The following RASGRF1 variants were observed in gnomAD, a reference collection of about 807,000 sequenced individuals.
RASGRF1 encodes Ras protein specific guanine nucleotide releasing factor 1.
In RASGRF1, 40 loss-of-function variants were observed where a neutral mutation model predicts 138.7. The observed-to-expected ratio is 0.29, with a 90% CI of 0.22 to 0.38. RASGRF1 has a LOEUF of 0.38. RASGRF1 is among the 10% of genes least tolerant of loss of function. The pLI is 1.00. For synonymous variants in RASGRF1, 614 were observed against 663.2 expected, an observed-to-expected ratio of 0.93 and a Z score of 1.14; for missense variants, 1,108 against 1,650.4, an observed-to-expected ratio of 0.67 and a Z score of 5.69.
chr15:79,025,743 G>T (rs531904809), intron 9 of RASGRF1, among the ~76,000 whole-genome samples: 1 of 152,250 alleles, frequency 6.6e-6, no homozygotes, highest in African/African-American at 2.4e-5. Flanking sequence ...ACCCCAAAGG[G>T]CATGGCCCAT....
At chr15:79,067,639 G>A (rs574417878) in intron 1 of RASGRF1, among the ~76,000 whole-genome samples, 13 of 152,336 alleles carry the variant, frequency 8.5e-5, no homozygotes, top group East Asian at 1.9e-4. Context: ...CACATTGCCC[G>A]ACTGACTTGT....
At chr15:79,077,167 C>T (rs1012925436) in intron 1 of RASGRF1, among the ~76,000 whole-genome samples, 6 of 152,094 alleles carry the variant, frequency 3.9e-5, no homozygotes, top group African/African-American at 1.4e-4. Flanking sequence ...ATTAATATTC[C>T]ATAAAACCAG....
intron 3 of RASGRF1, among the ~76,000 whole-genome samples, chr15:79,053,389 C>T (rs1326814066): frequency 6.6e-6 from 1 of 152,244 alleles, no homozygotes; most frequent in East Asian, 1.9e-4. Context: ...TAAAATATTA[C>T]AGCCACCTGC....
At position 78,991,882 on chromosome 15, in the gene RASGRF1, G is replaced by A. The variant is rs959640274; in HGVS notation, c.3028-88C>T. 40 of 1,054,686 alleles carry A rather than the reference G, an allele frequency of 3.8e-5. No individual in the cohort carries two copies. The Admixed American group carries it at 7.1e-4, about 19-fold the overall frequency. 65.3% of individuals were successfully genotyped at this position (1,054,686 alleles called of 1,614,324 possible). The stretch of plus-strand genomic sequence containing the variant: ...CCAGCTGCCTCTGTGGGGGTATCTC[G>A]CCCTCGAATTGGGTGGGCGGGTGGA... On this transcript the variant is annotated intron_variant, in intron 20 of 26. Transcript: ENST00000558480.
intron 2 of RASGRF1, among the ~76,000 whole-genome samples, chr15:79,061,517 A>G (rs1595953516): frequency 1.3e-5 from 2 of 151,180 alleles, no homozygotes; most frequent in Admixed American, 1.3e-4. Context: ...TGATAAACGC[A>G]TGCACTCAAA....
At chr15:78,993,752 C>T (rs551943875) in intron 20 of RASGRF1, among the ~76,000 whole-genome samples, 2 of 152,208 alleles carry the variant, frequency 1.3e-5, no homozygotes, top group Non-Finnish European at 2.9e-5. Context: ...GGCTTATGGC[C>T]CAGAGGCCCA....
Position 79,046,600 on chromosome 15 carries a change from C to G in RASGRF1, c.878+146G>C. Reference sequence around the variant, plus strand: ...CCACAATTATTGGGGTTGGTGGTTTCTAGCCACGTGATCTTGGGCACTTCT... The same window carrying G: ...CCACAATTATTGGGGTTGGTGGTTTGTAGCCACGTGATCTTGGGCACTTCT... On this transcript the variant is annotated intron_variant, in intron 5 of 26. Transcript: ENST00000558480. This position sits in a 1 kb window ranked among gnomAD's most constrained non-coding sequence, Gnocchi z 5.3. 2.2e-6 allele frequency: 3 copies of G among 1,357,432 alleles called. No homozygotes were observed. The highest frequency in any genetic ancestry group is 3.0e-6 in the Non-Finnish European group (3 of 990,070). The allele number at this position is 1,357,432 out of a possible 1,614,324, so 84.1% of individuals were successfully genotyped here.
chr15:79,080,126 A>ATGAC (rs10644330), intron 1 of RASGRF1, among the ~76,000 whole-genome samples: 67,561 of 151,874 alleles, frequency 0.44, 15,333 homozygotes, highest in African/African-American at 0.51. Context: ...CCATGAGGCA[A>ATGAC]TGACTATCTC....
intron 25 of RASGRF1, among the ~76,000 whole-genome samples, chr15:78,972,512 T>A (rs527483822): frequency 6.6e-6 from 1 of 152,076 alleles, no homozygotes; most frequent in African/African-American, 2.4e-5. Context: ...CTTTAATTAG[T>A]GGCATAAGCT....
chr15:79,004,201 GAC>G, intron 14 of RASGRF1, 26 bp from the exon 15 acceptor site: 1 of 1,539,084 alleles, frequency 6.5e-7, no homozygotes, highest in Non-Finnish European at 8.7e-7. Context: ...GGGTGAAAAT[GAC>G]AGTTAGCGTA....
intron 5 of RASGRF1, among the ~76,000 whole-genome samples, chr15:79,035,945 C>T (rs2057215100): frequency 6.6e-6 from 1 of 152,210 alleles, no homozygotes; most frequent in African/African-American, 2.4e-5. Context: ...GTTTTGTCGC[C>T]ACGTAACGTG....
intron 20 of RASGRF1, among the ~76,000 whole-genome samples, chr15:78,993,961 G>T (rs745357626): frequency 2.6e-5 from 4 of 152,164 alleles, no homozygotes; most frequent in Non-Finnish European, 5.9e-5. Context: ...TAGTGAGGCC[G>T]CGGGGCCCTC....
chr15:79,059,257 C>T (rs1230633069), intron 2 of RASGRF1, among the ~76,000 whole-genome samples: 1 of 46,698 alleles, frequency 2.1e-5, no homozygotes, highest in Non-Finnish European at 4.1e-5. Flanking sequence ...CCCTATCCTT[C>T]CCTTCCCTTC....
At position 79,090,775 on chromosome 15, in the gene RASGRF1, G is replaced by T. The variant is rs1341262598; in HGVS notation, c.-277C>A. 5 of 476,806 alleles carry T rather than the reference G, an allele frequency of 1.0e-5. No individual in the cohort carries two copies. The highest frequency in any genetic ancestry group is 5.5e-4 in the Middle Eastern group (1 of 1,826). 29.5% of individuals were successfully genotyped at this position (476,806 alleles called of 1,614,324 possible). A position where few individuals can be genotyped will look rare whatever the true frequency, so the allele number is the denominator to read the frequency against. On this transcript the variant is annotated 5_prime_UTR_variant, in exon 1 of 27. Transcript: ENST00000558480. Reference sequence around the variant, plus strand: ...CCTCCTCCGGTGCCGGGCAAACTGAGGGACTGGCGATCTGCGCGCTGGCGA... The same window carrying T: ...CCTCCTCCGGTGCCGGGCAAACTGATGGACTGGCGATCTGCGCGCTGGCGA...
intron 5 of RASGRF1, among the ~76,000 whole-genome samples, chr15:79,043,880 C>T (rs1325292875): frequency 1.3e-5 from 2 of 152,232 alleles, no homozygotes; most frequent in Non-Finnish European, 2.9e-5. Flanking sequence ...TTTGATGTTT[C>T]TGACAAAGGG....
chr15:78,988,622 T>G (rs1427506714), intron 22 of RASGRF1, among the ~76,000 whole-genome samples: 2 of 152,116 alleles, frequency 1.3e-5, no homozygotes, highest in Non-Finnish European at 2.9e-5. Context: ...CTGGGGTTGG[T>G]AGGATGTGGC....
intron 10 of RASGRF1, among the ~76,000 whole-genome samples, chr15:79,021,041 G>A (rs1464243970): frequency 6.6e-6 from 1 of 152,206 alleles, no homozygotes; most frequent in Non-Finnish European, 1.5e-5. Context: ...CCAGCCAACA[G>A]CCATGGAGGC....
intron 10 of RASGRF1, among the ~76,000 whole-genome samples, chr15:79,020,642 C>A (rs776244612): frequency 2.6e-5 from 4 of 152,174 alleles, no homozygotes. Flanking sequence ...GGGCCCGATC[C>A]CAGTCCTGGT....
chr15:79,086,992 G>A (rs1274559639), intron 1 of RASGRF1, among the ~76,000 whole-genome samples: 1 of 152,220 alleles, frequency 6.6e-6, no homozygotes, highest in Non-Finnish European at 1.5e-5. Flanking sequence ...GTGGCTTGCA[G>A]CTGCCAGATG....
Sources: allele counts gnomAD v4.1 joint callset (sites outside exome capture counted in the v4.1 genomes callset), GRCh38; gene constraint gnomAD v4.1.1; non-coding constraint Gnocchi (gnomAD v3.1); transcripts MANE v1.5; gene names NCBI Gene and HGNC (gene_info 2026-07-23, HGNC 2026-07-21).